Variants in KYNU observed in about 807,000 individuals in gnomAD.
The protein encoded by KYNU is L-kynurenine hydrolase.
In KYNU, 54 loss-of-function variants were observed where a neutral mutation model predicts 59.2. That is an observed-to-expected ratio of 0.91 (90% CI 0.73 to 1.14). The LOEUF is 1.14. Among genes scored for constraint, KYNU ranks in the 50% most tolerant of loss-of-function variants. The probability of loss-of-function intolerance (pLI) is 0.00; values close to 1 mark genes in which losing one functional copy is unlikely to be tolerated. For missense variants in KYNU, 567 were observed against 554.4 expected (o/e 1.02, Z -0.23); for synonymous variants, 177 against 192.0 (o/e 0.92, Z 0.65).
intron 8 of KYNU, among the ~76,000 whole-genome samples, chr2:142,966,145 GAAAT>G (rs1428689567): frequency 2.0e-5 from 3 of 152,118 alleles, no homozygotes; most frequent in Non-Finnish European, 4.4e-5. Context: ...TAAGAAATAG[GAAAT>G]AAATAATGAA....
intron 10 of KYNU, among the ~76,000 whole-genome samples, chr2:142,990,451 A>C (rs182808856): frequency 6.6e-6 from 1 of 151,864 alleles, no homozygotes; most frequent in Admixed American, 6.6e-5. Context: ...ATCCTTTAAA[A>C]GGATTCTTCT....
rs747104364 is a variant in KYNU at position 142,985,097 on chromosome 2, G to T, written c.743G>T (p.Gly248Val). 1.0e-5 allele frequency: 16 copies of T among 1,606,060 alleles called. No individual in the cohort carries two copies. Among genetic ancestry groups the T allele is most frequent in the Non-Finnish European group, 8.5e-7 (1 of 1,173,370 alleles). ...GTTCTTCCCTAGGGTTGTTATGTTG[G>T]CTTTGATCTAGCACATGCAGTTGGA... Reference protein sequence around the residue: ...KAGQAKGCYVGFDLAHAVGNV... With the variant: ...KAGQAKGCYVVFDLAHAVGNV... Residue 248 changes from glycine (G) to valine (V), a missense_variant, in exon 9 of 14, where the codon GGC becomes GTC. Transcript: ENST00000264170.
chr2:142,895,232 A>G (rs1229188440), intron 2 of KYNU, among the ~76,000 whole-genome samples: 3 of 152,202 alleles, frequency 2.0e-5, no homozygotes, highest in African/African-American at 2.4e-5. Context: ...TTCTCTCAGT[A>G]TATAGAACAA....
intron 10 of KYNU, among the ~76,000 whole-genome samples, chr2:143,028,323 G>T (rs1686638073): frequency 7.5e-6 from 1 of 133,320 alleles, no homozygotes; most frequent in Non-Finnish European, 1.5e-5. Flanking sequence ...TCGGCTCACT[G>T]CAACCTCCCC....
chr2:142,945,926 TG>T (rs1460380812), intron 4 of KYNU, among the ~76,000 whole-genome samples: 1 of 151,644 alleles, frequency 6.6e-6, no homozygotes, highest in Admixed American at 6.6e-5. Context: ...TTAGTAGAGG[TG>T]GGGTTTCACC....
intron 10 of KYNU, among the ~76,000 whole-genome samples, chr2:143,028,796 C>G (rs960922634): frequency 4.3e-4 from 65 of 152,072 alleles, no homozygotes; most frequent in African/African-American, 1.5e-3. Flanking sequence ...TGTGGTGAGC[C>G]AAGATTGCTC....
chr2:143,000,769 G>T (rs1055502282), intron 10 of KYNU, among the ~76,000 whole-genome samples: 1 of 152,124 alleles, frequency 6.6e-6, no homozygotes, highest in Non-Finnish European at 1.5e-5. Flanking sequence ...TTCAGCAGCT[G>T]GGCTTGTGGA....
chr2:142,954,570 G>T (rs549480875), intron 4 of KYNU, among the ~76,000 whole-genome samples: 7 of 152,096 alleles, frequency 4.6e-5, no homozygotes, highest in African/African-American at 1.7e-4. Flanking sequence ...TCATTATTTT[G>T]TTGTTATTTA....
At chr2:143,025,713 A>G (rs1440939444) in intron 10 of KYNU, among the ~76,000 whole-genome samples, 3 of 151,994 alleles carry the variant, frequency 2.0e-5, no homozygotes, top group African/African-American at 4.8e-5. Context: ...AGTTCCTCCT[A>G]TGCAGATTCC....
At chr2:143,037,292 A>G (rs913703125) in intron 12 of KYNU, among the ~76,000 whole-genome samples, 4 of 152,206 alleles carry the variant, frequency 2.6e-5, no homozygotes, top group African/African-American at 9.7e-5. Flanking sequence ...TTTGGACAAG[A>G]TTATTTTGGA....
intron 4 of KYNU, among the ~76,000 whole-genome samples, chr2:142,951,075 AT>A (rs1683974031): frequency 6.6e-6 from 1 of 152,244 alleles, no homozygotes; most frequent in African/African-American, 2.4e-5. Context: ...GCATGCCAAA[AT>A]AATTACAGTA....
At chr2:143,025,543 C>G (rs1686527091) in intron 10 of KYNU, among the ~76,000 whole-genome samples, 2 of 152,130 alleles carry the variant, frequency 1.3e-5, no homozygotes, top group South Asian at 4.1e-4. Context: ...GAAAATGGCC[C>G]TGCTCTCTTG....
chr2:142,963,281 C>T (rs1254849245), intron 8 of KYNU, among the ~76,000 whole-genome samples: 2 of 152,198 alleles, frequency 1.3e-5, no homozygotes, highest in African/African-American at 4.8e-5. Flanking sequence ...TCAGAATCCT[C>T]AATCGTGTCT....
intron 4 of KYNU, among the ~76,000 whole-genome samples, chr2:142,938,771 A>T (rs947958740): frequency 2.0e-5 from 3 of 152,170 alleles, no homozygotes; most frequent in African/African-American, 7.2e-5. Flanking sequence ...AAGAAAAAAG[A>T]AATCTGTTTT....
At chr2:142,944,701 T>C (rs1683716772) in intron 4 of KYNU, among the ~76,000 whole-genome samples, 1 of 152,210 alleles carries the variant, frequency 6.6e-6, no homozygotes, top group Non-Finnish European at 1.5e-5. Flanking sequence ...AGTGAAATGA[T>C]GATATTGAAA....
intron 2 of KYNU, among the ~76,000 whole-genome samples, chr2:142,892,391 A>G (rs558271226): frequency 6.6e-6 from 1 of 152,340 alleles, no homozygotes; most frequent in South Asian, 2.1e-4. Context: ...AATCATGAAG[A>G]GGGAACAGCA....
chr2:142,999,007 C>CAAA (rs59742828), intron 10 of KYNU, among the ~76,000 whole-genome samples: 14 of 63,488 alleles, frequency 2.2e-4, no homozygotes, highest in African/African-American at 4.3e-4. Context: ...GACTCCGTCT[C>CAAA]AAAAAAAAAA....
At position 142,957,622 on chromosome 2, in the gene KYNU, C is replaced by T. The variant is rs1286699449; in HGVS notation, c.508-19C>T. The T allele has an allele frequency of 2.7e-6, 4 of 1,478,676 alleles. No homozygotes were observed. Among genetic ancestry groups the T allele is most frequent in the Non-Finnish European group, 3.8e-6 (4 of 1,057,126 alleles). 91.6% of individuals were successfully genotyped at this position (1,478,676 alleles called of 1,614,324 possible). On this transcript the variant is annotated intron_variant, in intron 6 of 13. Transcript: ENST00000264170. ...TGCTCTCAGCTTGATTTGATAAATA[C>T]ATCATCTTTCCTTTTTAGTATGCTA...
chr2:142,933,202 C>T (rs1683285148), intron 4 of KYNU, among the ~76,000 whole-genome samples: 1 of 152,124 alleles, frequency 6.6e-6, no homozygotes, highest in African/African-American at 2.4e-5. Flanking sequence ...AGGCTTTAAG[C>T]TGTTTAGAGA....
Sources: gnomAD v4.1 joint callset for allele counts (sites outside exome capture counted in the v4.1 genomes callset) on GRCh38, gnomAD v4.1.1 for gene constraint, MANE v1.5 for transcripts, NCBI Gene and HGNC (gene_info 2026-07-23, HGNC 2026-07-21) for gene names.